Variants in MCPH1 observed in about 807,000 individuals in gnomAD.
MCPH1 encodes microcephalin.
Under a neutral mutation model 84.5 loss-of-function variants are expected in MCPH1, and 104 were observed. The ratio of observed to expected loss-of-function variants is 1.23; its 90% CI spans 1.05 to 1.45. MCPH1 has a LOEUF of 1.45. MCPH1 is among the 40% of genes most tolerant of loss of function. The pLI, the probability that MCPH1 is intolerant of heterozygous loss-of-function variation, is 0.00. For missense variants in MCPH1, 1,498 were observed against 1,005.7 expected (o/e 1.49, Z -6.62); for synonymous variants, 514 against 366.8 (o/e 1.40, Z -4.58).
intron 12 of MCPH1, chr8:6,521,331 G>T: frequency 6.2e-7 from 1 of 1,613,734 alleles, no homozygotes; most frequent in Non-Finnish European, 8.5e-7. Context: ...AACACCTGTA[G>T]CTGATCTTTC....
chr8:6,571,211 A>G (rs750833143), intron 12 of MCPH1, among the ~76,000 whole-genome samples: 3 of 152,204 alleles, frequency 2.0e-5, no homozygotes, highest in Non-Finnish European at 4.4e-5. Context: ...TTGCCTGATA[A>G]TATTTTTGCC....
intron 12 of MCPH1, among the ~76,000 whole-genome samples, chr8:6,576,756 C>T (rs1262209887): frequency 4.2e-5 from 5 of 118,686 alleles, no homozygotes; most frequent in Non-Finnish European, 6.6e-5. Flanking sequence ...CCATATTGGT[C>T]AGGGTGGTCT....
intron 12 of MCPH1, among the ~76,000 whole-genome samples, chr8:6,615,200 T>C (rs12543564): frequency 0.23 from 35,472 of 152,188 alleles, 4,935 homozygotes; most frequent in Non-Finnish European, 0.32. Context: ...GAGGGGCTCC[T>C]GTGTGCTTTC....
chr8:6,431,725 A>G (rs1452683032), intron 4 of MCPH1, 139 bp downstream of exon 4: 2 of 622,314 alleles, frequency 3.2e-6, no homozygotes, highest in Non-Finnish European at 5.6e-6. Context: ...TTCTTTTCAC[A>G]TAGCATTTTT....
At chr8:6,479,616 T>A (rs1322357080) in intron 10 of MCPH1, among the ~76,000 whole-genome samples, 1 of 151,914 alleles carries the variant, frequency 6.6e-6, no homozygotes, top group Admixed American at 6.6e-5. Context: ...TTTGTTTTTT[T>A]AGTAGAGACA....
At position 6,608,577 on chromosome 8, in the gene MCPH1, T is replaced by A. The variant is rs115377157; in HGVS notation, c.2215-12877T>A. ...AGATGTAAGATTATTGTTAGAGATA[T>A]GGACCCGCTTGCTCTTCTGAGCCTC... On this transcript the variant is annotated intron_variant, in intron 12 of 13. Coordinates refer to ENST00000344683, the MANE Select transcript of MCPH1 (RefSeq NM_024596.5). Among the ~76,000 whole-genome samples the A allele has an allele frequency of 5.1e-3, 774 of 152,340 alleles. 8 individuals carry two copies. The highest frequency in any genetic ancestry group is 0.018 in the African/African-American group (728 of 41,578).
intron 3 of MCPH1, among the ~76,000 whole-genome samples, chr8:6,423,676 C>T (rs894237037): frequency 1.8e-4 from 27 of 151,918 alleles, no homozygotes; most frequent in Admixed American, 1.7e-3. Context: ...TACCTTTTTG[C>T]GGGTGATAAA....
At chr8:6,623,316 T>C (rs890227375) in intron 13 of MCPH1, among the ~76,000 whole-genome samples, 2 of 152,040 alleles carry the variant, frequency 1.3e-5, no homozygotes, top group African/African-American at 2.4e-5. Flanking sequence ...CCAAGATCCT[T>C]ACCCGACTTT....
At chr8:6,638,685 C>T (rs891702864) in intron 13 of MCPH1, among the ~76,000 whole-genome samples, 1 of 152,052 alleles carries the variant, frequency 6.6e-6, no homozygotes, top group Non-Finnish European at 1.5e-5. Flanking sequence ...ACTGGCATTA[C>T]TCTAACATCT....
chr8:6,540,237 C>T (rs1428302864), intron 12 of MCPH1, among the ~76,000 whole-genome samples: 1 of 152,114 alleles, frequency 6.6e-6, no homozygotes, highest in Non-Finnish European at 1.5e-5. Context: ...TATCATTTTA[C>T]CTCTTTGTGT....
At chr8:6,612,663 C>T (rs550318987) in intron 12 of MCPH1, among the ~76,000 whole-genome samples, 3 of 152,242 alleles carry the variant, frequency 2.0e-5, no homozygotes, top group Non-Finnish European at 2.9e-5. Context: ...GTTCCGACCT[C>T]CCCTGCCTGG....
chr8:6,575,588 C>G (rs1215460823), intron 12 of MCPH1, among the ~76,000 whole-genome samples: 3 of 152,132 alleles, frequency 2.0e-5, no homozygotes, highest in Non-Finnish European at 2.9e-5. Context: ...CTTTGAAGGT[C>G]CTTGTTATGA....
chr8:6,622,046 C>T, intron 13 of MCPH1: 2 of 380,720 alleles, frequency 5.3e-6, no homozygotes, highest in Non-Finnish European at 1.1e-5. Context: ...CCTCCTTGTC[C>T]TGCTTCAGGA....
At chr8:6,478,877 T>G (rs1012520741) in intron 10 of MCPH1, among the ~76,000 whole-genome samples, 24 of 152,230 alleles carry the variant, frequency 1.6e-4, no homozygotes, top group Non-Finnish European at 3.5e-4. Flanking sequence ...CCTAAGGATC[T>G]CTTAAGAATT....
At chr8:6,526,257 TAAAAAA>T (rs35519559) in intron 12 of MCPH1, among the ~76,000 whole-genome samples, 5 of 77,500 alleles carry the variant, frequency 6.5e-5, no homozygotes, top group East Asian at 5.0e-4. Context: ...TTGCCTCTAC[TAAAAAA>T]AAAAAAAAAA....
In MCPH1 at chr8:6,431,481, C is replaced by T; in HGVS notation, c.234-18C>T. ...TAGAAGCAAATACTCATTAGACTAC[C>T]TTAATTTAATTATACAGATGCAGGA... On this transcript the variant is annotated intron_variant, in intron 3 of 13. Coordinates refer to ENST00000344683, the MANE Select transcript of MCPH1 (RefSeq NM_024596.5). 3 of 1,597,404 alleles carry T rather than the reference C, an allele frequency of 1.9e-6. No individual in the cohort carries two copies. The highest frequency in any genetic ancestry group is 2.6e-6 in the Non-Finnish European group (3 of 1,165,320).
At chr8:6,549,835 A>G (rs137947598) in intron 12 of MCPH1, among the ~76,000 whole-genome samples, 11 of 152,370 alleles carry the variant, frequency 7.2e-5, no homozygotes, top group Non-Finnish European at 1.2e-4. Flanking sequence ...ACCAAGTTGT[A>G]CACTCAAGAT....
At chr8:6,433,262 A>ATC (rs1802104071) in intron 4 of MCPH1, among the ~76,000 whole-genome samples, 1 of 152,200 alleles carries the variant, frequency 6.6e-6, no homozygotes, top group Non-Finnish European at 1.5e-5. Flanking sequence ...TCCAAGTCAG[A>ATC]TATCTAGAGA....
intron 12 of MCPH1, chr8:6,532,304 A>C (rs573312677): frequency 1.2e-6 from 2 of 1,613,886 alleles, no homozygotes; most frequent in Non-Finnish European, 1.7e-6. Flanking sequence ...CTGCAGGGAC[A>C]CCGTGTGCTT....
Sources: allele counts gnomAD v4.1 joint callset (sites outside exome capture counted in the v4.1 genomes callset), GRCh38; gene constraint gnomAD v4.1.1; transcripts MANE v1.5; gene names NCBI Gene and HGNC (gene_info 2026-07-23, HGNC 2026-07-21).